Variants in SUGCT observed in about 807,000 individuals in gnomAD.
The protein encoded by SUGCT is succinyl-CoA:glutarate-CoA transferase, also known as succinyl-CoA:glutarate CoA-transferase.
In SUGCT, 41 loss-of-function variants were observed where a neutral mutation model predicts 55.0. The ratio of observed to expected loss-of-function variants is 0.74; its 90% CI spans 0.58 to 0.97. The LOEUF (loss-of-function observed/expected upper bound fraction) is 0.97, where lower values mean the gene tolerates loss of function less well. Among genes scored for constraint, SUGCT ranks in the 50% least tolerant of loss-of-function variants. The pLI is 0.00. For missense variants in SUGCT, 568 were observed against 547.8 expected (o/e 1.04, Z -0.37); for synonymous variants, 187 against 200.4 (o/e 0.93, Z 0.56).
intron 12 of SUGCT, among the ~76,000 whole-genome samples, chr7:40,524,087 G>A (rs1480932455): frequency 6.6e-6 from 1 of 151,842 alleles, no homozygotes; most frequent in Admixed American, 6.6e-5. Context: ...GGTAAGGTTG[G>A]CAGTTAAAAA....
intron 12 of SUGCT, among the ~76,000 whole-genome samples, chr7:40,505,007 A>G (rs1171076058): frequency 6.6e-6 from 1 of 152,206 alleles, no homozygotes. Context: ...GTCCTAGCAT[A>G]TAATCCATTT....
intron 12 of SUGCT, among the ~76,000 whole-genome samples, chr7:40,521,282 T>G (rs1793513408): frequency 6.6e-6 from 1 of 152,146 alleles, no homozygotes; most frequent in African/African-American, 2.4e-5. Flanking sequence ...GTTTTATTTT[T>G]TTAAATGTGT....
chr7:40,550,219 G>A (rs1254373358), intron 12 of SUGCT, among the ~76,000 whole-genome samples: 1 of 152,104 alleles, frequency 6.6e-6, no homozygotes, highest in East Asian at 1.9e-4. Flanking sequence ...ATCCTCTTTG[G>A]TCTTGTCTGT....
the SUGCT span, among the ~76,000 whole-genome samples, chr7:40,939,225 GA>G: frequency 6.6e-6 from 1 of 152,126 alleles, no homozygotes; most frequent in South Asian, 2.1e-4. Flanking sequence ...TGCAAAAGTG[GA>G]AACCCCTCAT....
intron 12 of SUGCT, among the ~76,000 whole-genome samples, chr7:40,543,954 A>G (rs976144737): frequency 6.6e-6 from 1 of 152,206 alleles, no homozygotes; most frequent in Non-Finnish European, 1.5e-5. Context: ...GCCTGTTTTC[A>G]GGTATGGCTT....
chr7:41,002,753 G>A, the SUGCT span, among the ~76,000 whole-genome samples: 1 of 152,256 alleles, frequency 6.6e-6, no homozygotes, highest in Non-Finnish European at 1.5e-5. Context: ...CACTTTAGAA[G>A]TCTTATTTGT....
intron 12 of SUGCT, among the ~76,000 whole-genome samples, chr7:40,748,622 G>A (rs933548945): frequency 6.6e-6 from 1 of 151,382 alleles, no homozygotes; most frequent in Non-Finnish European, 1.5e-5. Flanking sequence ...TATACTTATT[G>A]TTGTCTTTGA....
intron 9 of SUGCT, among the ~76,000 whole-genome samples, chr7:40,341,714 T>C (rs1362323993): frequency 6.6e-6 from 1 of 152,094 alleles, no homozygotes; most frequent in Admixed American, 6.5e-5. Context: ...ACTAAACTTG[T>C]AAAATTGTGG....
At chr7:40,489,951 C>T (rs1791592751) in intron 11 of SUGCT, among the ~76,000 whole-genome samples, 1 of 152,166 alleles carries the variant, frequency 6.6e-6, no homozygotes, top group Non-Finnish European at 1.5e-5. Flanking sequence ...TAATGTTCCT[C>T]AACAGTAAAC....
Position 40,409,451 on chromosome 7 carries a change from G to A in SUGCT, c.817-39836G>A, listed in dbSNP as rs536010451. On this transcript the variant is annotated intron_variant, in intron 9 of 13. Coordinates refer to ENST00000335693, the MANE Select transcript of SUGCT (RefSeq NM_001193313.2). The stretch of plus-strand genomic sequence containing the variant: ...AATTTTTTATTTTTTGTAGAGATGG[G>A]GTCTCACTCTGCTGTCCAGTCTGAT... 3.3e-5 allele frequency among the ~76,000 whole-genome samples: 5 copies of A among 151,790 alleles called. No homozygotes were observed. The East Asian group carries it at 9.7e-4, about 29-fold the overall frequency.
chr7:40,189,268 G>T (rs1785738192), intron 4 of SUGCT, among the ~76,000 whole-genome samples: 1 of 152,032 alleles, frequency 6.6e-6, no homozygotes, highest in Admixed American at 6.6e-5. Flanking sequence ...CCTGAACCCG[G>T]GAGGCAGAGG....
intron 9 of SUGCT, among the ~76,000 whole-genome samples, chr7:40,426,581 G>A (rs1583652507): frequency 6.6e-6 from 1 of 152,152 alleles, no homozygotes; most frequent in Admixed American, 6.6e-5. Flanking sequence ...TACTTTGGAT[G>A]GTATTGACTT....
chr7:40,260,957 A>G (rs532674672), intron 7 of SUGCT, among the ~76,000 whole-genome samples: 1 of 152,290 alleles, frequency 6.6e-6, no homozygotes, highest in African/African-American at 2.4e-5. Context: ...ATTTTATTAA[A>G]GCAAGGAACC....
chr7:40,166,024 A>T (rs1316042408), intron 1 of SUGCT, among the ~76,000 whole-genome samples: 16 of 152,232 alleles, frequency 1.1e-4, no homozygotes, highest in Admixed American at 9.2e-4. Flanking sequence ...CAGGAGGCTG[A>T]GGCAGGAGAA....
chr7:40,765,150 G>T (rs1209434880), intron 13 of SUGCT, among the ~76,000 whole-genome samples: 1 of 152,070 alleles, frequency 6.6e-6, no homozygotes, highest in African/African-American at 2.4e-5. Context: ...GTGAATTACA[G>T]ATAATTTTCT....
the SUGCT span, among the ~76,000 whole-genome samples, chr7:40,967,853 C>T: frequency 2.3e-4 from 35 of 152,182 alleles, no homozygotes; most frequent in South Asian, 3.3e-3. Context: ...CGATCTCCAA[C>T]GCAGTGAATT....
intron 12 of SUGCT, among the ~76,000 whole-genome samples, chr7:40,608,533 A>G (rs977475570): frequency 3.9e-5 from 6 of 152,334 alleles, no homozygotes; most frequent in African/African-American, 1.4e-4. Context: ...AAACATAGCT[A>G]AGTAGTTTAG....
the SUGCT span, among the ~76,000 whole-genome samples, chr7:40,932,152 T>A: frequency 7.8e-4 from 119 of 152,324 alleles, 2 homozygotes; most frequent in South Asian, 0.021. Flanking sequence ...TCAAAGAACA[T>A]CTTTATTTCT....
intron 7 of SUGCT, among the ~76,000 whole-genome samples, chr7:40,249,352 T>TATATATATATA (rs1790196795): frequency 7.3e-6 from 1 of 137,428 alleles, no homozygotes; most frequent in African/African-American, 2.7e-5. Flanking sequence ...TATATAATTA[T>TATATATATATA]ATTATATAGA....
Sources: allele counts gnomAD v4.1 joint callset (sites outside exome capture counted in the v4.1 genomes callset), GRCh38; gene constraint gnomAD v4.1.1; transcripts MANE v1.5; gene names NCBI Gene and HGNC (gene_info 2026-07-23, HGNC 2026-07-21).